Variants in CCDC192 observed in about 807,000 individuals in gnomAD.
The protein encoded by CCDC192 is coiled-coil domain-containing protein 192.
chr5:127,739,138 T>G (rs1338858065), intron 2 of CCDC192, among the ~76,000 whole-genome samples: 1 of 152,078 alleles, frequency 6.6e-6, no homozygotes, highest in Admixed American at 6.5e-5. Context: ...TTGTTAGTTT[T>G]CCTTCTAACA....
chr5:127,928,930 C>G (rs1753941545), intron 6 of CCDC192, among the ~76,000 whole-genome samples: 1 of 152,032 alleles, frequency 6.6e-6, no homozygotes, highest in African/African-American at 2.4e-5. Context: ...CCACGCCCAG[C>G]TAGTTTTTGT....
At chr5:127,792,434 C>T (rs1459006592) in intron 3 of CCDC192, among the ~76,000 whole-genome samples, 1 of 151,576 alleles carries the variant, frequency 6.6e-6, no homozygotes, top group East Asian at 1.9e-4. Context: ...CAATTACCTC[C>T]CACAGGGTGC....
At chr5:127,924,258 A>C (rs1753807764) in intron 6 of CCDC192, among the ~76,000 whole-genome samples, 1 of 152,354 alleles carries the variant, frequency 6.6e-6, no homozygotes, top group African/African-American at 2.4e-5. Context: ...ATGCTGATTA[A>C]ATTTAAATAA....
intron 2 of CCDC192, among the ~76,000 whole-genome samples, chr5:127,747,092 T>C (rs1056106939): frequency 2.6e-5 from 4 of 151,208 alleles, no homozygotes; most frequent in Non-Finnish European, 5.9e-5. Flanking sequence ...ATTTCTTGTT[T>C]CTTTTTTATT....
chr5:127,717,866 G>A (rs1021469552), intron 2 of CCDC192, among the ~76,000 whole-genome samples: 10 of 137,964 alleles, frequency 7.2e-5, no homozygotes, highest in African/African-American at 2.7e-4. Flanking sequence ...ATCATATTAT[G>A]TGCCTGGGAA....
rs76902980 is a variant in CCDC192, at chr5:127,924,979, A to G, written c.536-16203A>G. 6.2e-3 allele frequency among the ~76,000 whole-genome samples: 938 copies of G among 152,280 alleles called. 43 individuals carry two copies. The East Asian group carries it at 0.14, about 22-fold the overall frequency. ...ACAGAATTTTTTGACATCTCTAAAA[A>G]TTATATTATTTTTCTATTTTGATTT... On this transcript the variant is annotated intron_variant, in intron 6 of 6. Transcript: ENST00000514853.
chr5:127,903,973 G>A (rs775191126), intron 6 of CCDC192, among the ~76,000 whole-genome samples: 4 of 152,150 alleles, frequency 2.6e-5, no homozygotes, highest in Non-Finnish European at 5.9e-5. Context: ...CTGTGAATAC[G>A]TTCAGGGACT....
intron 5 of CCDC192, among the ~76,000 whole-genome samples, chr5:127,851,391 T>C (rs553532282): frequency 1.9e-4 from 29 of 152,326 alleles, no homozygotes; most frequent in Admixed American, 1.6e-3. Context: ...CAACTATTTA[T>C]GATATTTAAT....
intron 6 of CCDC192, among the ~76,000 whole-genome samples, chr5:127,878,885 G>A (rs1240586339): frequency 1.3e-5 from 2 of 148,652 alleles, no homozygotes; most frequent in Admixed American, 6.7e-5. Context: ...ATTTCCTTGA[G>A]CAGTGGTTTG....
chr5:127,785,129 T>C (rs1169993257), intron 3 of CCDC192: 4 of 522,678 alleles, frequency 7.7e-6, no homozygotes, highest in Non-Finnish European at 1.6e-5. Flanking sequence ...GTCTGGAATG[T>C]GGATGCCTGC....
chr5:127,751,848 G>A (rs936259917), intron 2 of CCDC192, among the ~76,000 whole-genome samples: 28 of 151,940 alleles, frequency 1.8e-4, no homozygotes, highest in African/African-American at 5.1e-4. Context: ...TTTCCTTCTC[G>A]CTTCATTTCA....
intron 5 of CCDC192, among the ~76,000 whole-genome samples, chr5:127,818,139 A>C (rs912675604): frequency 2.0e-5 from 3 of 151,692 alleles, no homozygotes; most frequent in Non-Finnish European, 4.4e-5. Flanking sequence ...CATGATATTT[A>C]CATATTTTTT....
At chr5:127,910,342 G>A (rs1753312068) in intron 6 of CCDC192, among the ~76,000 whole-genome samples, 1 of 152,168 alleles carries the variant, frequency 6.6e-6, no homozygotes, top group South Asian at 2.1e-4. Context: ...AAGAATGGGT[G>A]GCAGCTCTTT....
chr5:127,926,164 G>A (rs1035606432), intron 6 of CCDC192, among the ~76,000 whole-genome samples: 6 of 152,188 alleles, frequency 3.9e-5, no homozygotes, highest in African/African-American at 9.7e-5. Context: ...AAGTTCTGCC[G>A]CTGCAATTGG....
At chr5:127,723,803 G>A (rs77929378) in intron 2 of CCDC192, among the ~76,000 whole-genome samples, 45 of 152,276 alleles carry the variant, frequency 3.0e-4, no homozygotes, top group East Asian at 2.1e-3. Flanking sequence ...GGCAGATTGC[G>A]TAACATCAGC....
intron 6 of CCDC192, among the ~76,000 whole-genome samples, chr5:127,911,699 CT>C (rs10718531): frequency 0.66 from 77,927 of 117,276 alleles, 26,467 homozygotes; most frequent in Non-Finnish European, 0.74. Context: ...CCTTATACCA[CT>C]TTTTTTTTTT....
chr5:127,739,529 C>G (rs1031736718), intron 2 of CCDC192: 34 of 162,354 alleles, frequency 2.1e-4, no homozygotes, highest in Admixed American at 1.9e-4. Flanking sequence ...CTCCCCCAGC[C>G]TCGCTGCCGC....
At chr5:127,844,141 C>T (rs1017487118) in intron 5 of CCDC192, among the ~76,000 whole-genome samples, 1 of 152,168 alleles carries the variant, frequency 6.6e-6, no homozygotes, top group Non-Finnish European at 1.5e-5. Context: ...TCTTCTTGCC[C>T]TGTTCCATGG....
chr5:127,728,642 T>A (rs1439806959), intron 2 of CCDC192, among the ~76,000 whole-genome samples: 1 of 152,102 alleles, frequency 6.6e-6, no homozygotes, highest in Non-Finnish European at 1.5e-5. Context: ...CATTAACAAG[T>A]CTGCAAAATA....
Sources: gnomAD v4.1 joint callset for allele counts (sites outside exome capture counted in the v4.1 genomes callset) on GRCh38, gnomAD v4.1.1 for gene constraint, MANE v1.5 for transcripts, NCBI Gene and HGNC (gene_info 2026-07-23, HGNC 2026-07-21) for gene names.